TNRC6C: variants seen among roughly 807,000 people sequenced by gnomAD.
TNRC6C encodes trinucleotide repeat containing adaptor 6C.
Under a neutral mutation model 153.7 loss-of-function variants are expected in TNRC6C, and 20 were observed. The observed-to-expected ratio is 0.13, with a 90% CI of 0.09 to 0.19. The LOEUF (loss-of-function observed/expected upper bound fraction) is 0.19. TNRC6C is among the 10% of genes least tolerant of loss of function. TNRC6C has a pLI of 1.00. For synonymous variants in TNRC6C, 811 were observed against 841.4 expected, an observed-to-expected ratio of 0.96 and a Z score of 0.63; for missense variants, 1,987 against 2,172.0, an observed-to-expected ratio of 0.91 and a Z score of 1.69.
exon 3 of TNRC6C, chr17:78,051,142 G>T: frequency 6.3e-7 from 1 of 1,576,088 alleles, no homozygotes; most frequent in Non-Finnish European, 8.6e-7. Context: ...AGGGTGGATC[G>T]GGGGGCCGGT....
intron 1 of TNRC6C, among the ~76,000 whole-genome samples, chr17:78,011,219 A>C (rs1183653823): frequency 6.6e-6 from 1 of 152,196 alleles, no homozygotes; most frequent in Non-Finnish European, 1.5e-5. Flanking sequence ...CATTATATTT[A>C]AAGAGAAGAA....
exon 20 of TNRC6C, chr17:78,105,051 G>A: frequency 2.2e-6 from 1 of 463,092 alleles, no homozygotes; most frequent in Non-Finnish European, 3.5e-6. Context: ...GCTAATGACA[G>A]GATGTTCCTC....
intron 4 of TNRC6C, among the ~76,000 whole-genome samples, chr17:78,067,314 C>A (rs1363472795): frequency 3.3e-5 from 5 of 152,078 alleles, no homozygotes; most frequent in Non-Finnish European, 1.5e-5. Context: ...CTACTATAAT[C>A]CGGGCAACAG....
At chr17:78,005,431 A>G (rs1392080951) in intron 1 of TNRC6C, among the ~76,000 whole-genome samples, 2 of 152,318 alleles carry the variant, frequency 1.3e-5, no homozygotes, top group East Asian at 3.9e-4. Flanking sequence ...CCAATTTCTC[A>G]TTGCCAACTA....
Position 78,104,894 on chromosome 17 carries a change from C to G in TNRC6C, c.*49C>G. The G allele has an allele frequency of 7.3e-7, 1 of 1,378,018 alleles. No individual in the cohort carries two copies. The highest frequency in any genetic ancestry group is 1.7e-5 in the South Asian group (1 of 59,708). The allele number at this position is 1,378,018 out of a possible 1,614,324, so 85.4% of individuals were successfully genotyped here. A position where few individuals can be genotyped will look rare whatever the true frequency, so the allele number is the denominator to read the frequency against. ...AGAGCCGACCCCTCCCGGGACCCCT[C>G]CCGGCTGGGCGGCCCCACAGACCCG... On this transcript the variant is annotated 3_prime_UTR_variant, in exon 20 of 20. Transcript: ENST00000301624. This position sits in a 1 kb window ranked among gnomAD's most constrained non-coding sequence, Gnocchi z 6.2.
chr17:77,985,557 G>A (rs978657107), intron 1 of TNRC6C, among the ~76,000 whole-genome samples: 10 of 148,974 alleles, frequency 6.7e-5, no homozygotes, highest in South Asian at 4.2e-4. Flanking sequence ...AGCCGAGATC[G>A]CGCCACTGCA....
exon 20 of TNRC6C, chr17:78,105,325 G>C (rs780427649): frequency 2.0e-4 from 31 of 153,522 alleles, no homozygotes; most frequent in Non-Finnish European, 4.5e-4. Flanking sequence ...GGCGCAGAGC[G>C]GCTCCGCGGC....
chr17:78,038,075 A>G (rs10512616), intron 2 of TNRC6C, among the ~76,000 whole-genome samples: 8,702 of 152,238 alleles, frequency 0.057, 603 homozygotes, highest in African/African-American at 0.17. Flanking sequence ...ATGCAAGACA[A>G]ATATAAGAAC....
exon 20 of TNRC6C, chr17:78,107,946 T>C (rs185775443): frequency 6.6e-6 from 1 of 152,380 alleles, no homozygotes; most frequent in Non-Finnish European, 1.5e-5. Flanking sequence ...CACCAAGCAC[T>C]TTGAGCACAG....
intron 1 of TNRC6C, among the ~76,000 whole-genome samples, chr17:77,970,557 C>CAT (rs2070932674): frequency 6.6e-6 from 1 of 152,180 alleles, no homozygotes; most frequent in African/African-American, 2.4e-5. Context: ...GGTATAGAGT[C>CAT]ATATGGGTAT....
At chr17:78,051,727 G>A (rs2072541308) in intron 3 of TNRC6C, among the ~76,000 whole-genome samples, 1 of 152,068 alleles carries the variant, frequency 6.6e-6, no homozygotes, top group Non-Finnish European at 1.5e-5. Flanking sequence ...GCCTGGGGTG[G>A]AGATGATGGA....
At chr17:78,085,227 A>G (rs754773527) in intron 11 of TNRC6C, among the ~76,000 whole-genome samples, 1 of 152,232 alleles carries the variant, frequency 6.6e-6, no homozygotes, top group African/African-American at 2.4e-5. Flanking sequence ...TTAGTTATAC[A>G]GTAAGTTTTT....
At chr17:78,005,218 G>A (rs765797389) in intron 1 of TNRC6C, 139 bp downstream of exon 3, 2 of 515,324 alleles carry the variant, frequency 3.9e-6, no homozygotes, top group Non-Finnish European at 6.0e-6. Flanking sequence ...ATTATTCATT[G>A]TGAAATTCCT....
chr17:77,959,912 AAT>A (rs1258557818), intron 1 of TNRC6C, among the ~76,000 whole-genome samples: 3 of 152,126 alleles, frequency 2.0e-5, no homozygotes, highest in African/African-American at 4.8e-5. Flanking sequence ...AGATTTAATT[AAT>A]TGATTCGTAG....
chr17:78,100,203 C>T lies in TNRC6C; in HGVS notation c.4501+1666C>T, dbSNP rs556480649. Among the ~76,000 whole-genome samples, 20 of 152,322 alleles carry T rather than the reference C, an allele frequency of 1.3e-4. No individual in the cohort carries two copies. In the East Asian group the frequency reaches 2.3e-3, roughly 18 times the overall value. ...ATCTACCATTCTGGGGTCTAGAGGA[C>T]GGTGACCTTCTTCTCATAGCTCTAC... On this transcript the variant is annotated intron_variant, in intron 17 of 19. Coordinates refer to ENST00000301624, the Ensembl canonical transcript of TNRC6C.
rs1254025006 is a variant in TNRC6C at position 78,049,611 on chromosome 17, A to C, written c.549A>C (p.Gly183=). Residue 183 remains glycine (G), a synonymous_variant, in exon 3 of 20, where the codon GGA becomes GGC. Transcript: ENST00000301624. The surrounding 1 kb of genome is among the most constrained non-coding windows in gnomAD (Gnocchi z 4.1). ...AACCTCAGAACCTTAACACTGATGG[A>C]CCAAATAACACTAACCCCATGAACT... is the stretch of plus-strand genomic sequence containing the variant. The C allele has an allele frequency of 6.2e-7, 1 of 1,613,992 alleles. No individual in the cohort carries two copies.
chr17:78,046,977 T>G (rs1249963142), intron 2 of TNRC6C, among the ~76,000 whole-genome samples: 1 of 151,882 alleles, frequency 6.6e-6, no homozygotes, highest in East Asian at 1.9e-4. Flanking sequence ...CCAATAATAC[T>G]GTGTATTCGA....
At chr17:77,986,340 G>A (rs1445250593) in intron 1 of TNRC6C, among the ~76,000 whole-genome samples, 2 of 151,208 alleles carry the variant, frequency 1.3e-5, no homozygotes, top group Non-Finnish European at 2.9e-5. Context: ...GTTTGAACGC[G>A]GGAGACAGGT....
exon 20 of TNRC6C, chr17:78,107,107 G>C (rs2073711740): frequency 1.3e-5 from 2 of 152,298 alleles, no homozygotes; most frequent in South Asian, 2.1e-4. Flanking sequence ...ATATGTGTGC[G>C]TGTGAGCATG....
Sources: gnomAD v4.1 joint callset for allele counts (sites outside exome capture counted in the v4.1 genomes callset) on GRCh38, gnomAD v4.1.1 for gene constraint, Gnocchi (gnomAD v3.1) non-coding constraint, MANE v1.5 for transcripts, NCBI Gene and HGNC (gene_info 2026-07-23, HGNC 2026-07-21) for gene names.